Variants in FBXL2 observed in about 807,000 individuals in gnomAD.
FBXL2 encodes the protein F-box/LRR-repeat protein 2.
A neutral mutation model predicts 69.2 loss-of-function variants in FBXL2; 38 were observed. The observed-to-expected ratio is 0.55, with a 90% CI of 0.42 to 0.72. The LOEUF is 0.72. Ranked by LOEUF, FBXL2 falls within the 30% of genes least tolerant of loss-of-function variation. The pLI is 0.00. For synonymous variants in FBXL2, 192 were observed against 201.3 expected, an observed-to-expected ratio of 0.95 and a Z score of 0.39; for missense variants, 354 against 520.3, an observed-to-expected ratio of 0.68 and a Z score of 3.11.
At chr3:33,317,903 A>G (rs1402875067) in intron 2 of FBXL2, among the ~76,000 whole-genome samples, 3 of 152,146 alleles carry the variant, frequency 2.0e-5, no homozygotes, top group Non-Finnish European at 4.4e-5. Context: ...TAGATTTCAG[A>G]TTTTTGGATT....
chr3:33,325,258 C>G (rs559811334), intron 2 of FBXL2, among the ~76,000 whole-genome samples: 6 of 152,344 alleles, frequency 3.9e-5, no homozygotes, highest in African/African-American at 1.4e-4. Context: ...TTGACTTCCT[C>G]TCTTCCTATT....
chr3:33,400,795 T>C (rs532432848), intron 12 of FBXL2, among the ~76,000 whole-genome samples: 8 of 152,248 alleles, frequency 5.3e-5, no homozygotes, highest in South Asian at 4.1e-4. Context: ...CCTAAAAAAA[T>C]GTACTCTACT....
intron 1 of FBXL2, among the ~76,000 whole-genome samples, chr3:33,292,371 T>C (rs1049000021): frequency 3.4e-4 from 51 of 152,198 alleles, no homozygotes; most frequent in African/African-American, 1.2e-3. Context: ...AGAGCAATCC[T>C]CTGTCTCAAA....
the FBXL2 span, chr3:33,412,771 T>C: frequency 6.2e-7 from 1 of 1,614,130 alleles, no homozygotes; most frequent in South Asian, 1.1e-5. Flanking sequence ...ATCCTTCAAG[T>C]TGCTGATGCT....
intron 2 of FBXL2, among the ~76,000 whole-genome samples, chr3:33,311,469 TTTCA>T (rs1400450605): frequency 6.6e-6 from 1 of 152,176 alleles, no homozygotes. Flanking sequence ...CTTCACTCTT[TTTCA>T]TTTTTTTTCC....
At chr3:33,397,407 C>A in intron 12 of FBXL2, 1 of 255,086 alleles carries the variant, frequency 3.9e-6, no homozygotes. Flanking sequence ...AGAACTCTTC[C>A]CGATATAGGA....
intron 2 of FBXL2, among the ~76,000 whole-genome samples, chr3:33,356,034 C>G (rs1488839086): frequency 6.6e-6 from 1 of 151,992 alleles, no homozygotes; most frequent in Non-Finnish European, 1.5e-5. Flanking sequence ...TTTTTTCATT[C>G]AGTAATCATA....
downstream of FBXL2, among the ~76,000 whole-genome samples, chr3:33,407,667 A>G (rs1014372394): frequency 2.6e-5 from 4 of 152,118 alleles, no homozygotes; most frequent in Admixed American, 6.5e-5. Flanking sequence ...ATTCGATACT[A>G]TAATTGGAAA....
intron 13 of FBXL2, chr3:33,383,770 C>T: frequency 7.4e-6 from 4 of 537,396 alleles, no homozygotes; most frequent in Non-Finnish European, 1.3e-5. Context: ...ATGTCTCAGT[C>T]TGTTTTGTGC....
chr3:33,280,663 T>G (rs1559478999), intron 1 of FBXL2, among the ~76,000 whole-genome samples: 1 of 146,448 alleles, frequency 6.8e-6, no homozygotes, highest in Non-Finnish European at 1.5e-5. Flanking sequence ...TGCTGAATTG[T>G]GTTCACACCA....
chr3:33,396,472 A>G (rs2044000603), intron 12 of FBXL2: 1 of 513,746 alleles, frequency 1.9e-6, no homozygotes, highest in African/African-American at 1.9e-5. Context: ...AGGTGGTCTA[A>G]TATGATGATC....
At position 33,387,999 on chromosome 3, in the gene FBXL2, G is replaced by A. The variant is rs2043569159; in HGVS notation, c.*2391G>A. Reference sequence around the variant, plus strand: ...GCAGAAGAATGGCGTGAACCCGGGAGGCAGAGCTTGCAGTGAGCCGAGATT... The same window carrying A: ...GCAGAAGAATGGCGTGAACCCGGGAAGCAGAGCTTGCAGTGAGCCGAGATT... On this transcript the variant is annotated 3_prime_UTR_variant, in exon 15 of 15. Transcript: ENST00000484457. The A allele has an allele frequency of 6.6e-6, 1 of 151,038 alleles. No homozygotes were observed. The highest frequency in any genetic ancestry group is 2.4e-5 in the African/African-American group (1 of 40,996). 9.4% of individuals were successfully genotyped at this position (151,038 alleles called of 1,614,324 possible). A position where few individuals can be genotyped will look rare whatever the true frequency, so the allele number is the denominator to read the frequency against.
At chr3:33,299,922 G>A (rs909804763) in intron 2 of FBXL2, among the ~76,000 whole-genome samples, 3 of 152,106 alleles carry the variant, frequency 2.0e-5, no homozygotes, top group African/African-American at 4.8e-5. Context: ...GCTGTGTCCC[G>A]GTGGGCAGAT....
intron 2 of FBXL2, chr3:33,317,386 G>C (rs2037800307): frequency 2.2e-6 from 1 of 448,598 alleles, no homozygotes; most frequent in African/African-American, 2.0e-5. Context: ...AGGGTCTGTG[G>C]GTGATATGCA....
intron 8 of FBXL2, 30 bp downstream of exon 8, chr3:33,373,734 T>C (rs2042450168): frequency 1.2e-6 from 2 of 1,614,124 alleles, no homozygotes; most frequent in African/African-American, 1.3e-5. Context: ...GCTGTTTGTG[T>C]TATGTGTCAG....
chr3:33,375,911 G>C (rs1289643263), intron 10 of FBXL2, among the ~76,000 whole-genome samples: 2 of 152,100 alleles, frequency 1.3e-5, no homozygotes, highest in African/African-American at 2.4e-5. Flanking sequence ...AATCCCAACA[G>C]TTTGGGATGC....
At chr3:33,316,239 G>A (rs1575167587) in intron 2 of FBXL2, among the ~76,000 whole-genome samples, 1 of 151,820 alleles carries the variant, frequency 6.6e-6, no homozygotes, top group African/African-American at 2.4e-5. Context: ...TGTGTTTTTA[G>A]TAGAGATGGG....
intron 2 of FBXL2, among the ~76,000 whole-genome samples, chr3:33,349,786 T>C (rs1000338154): frequency 3.3e-5 from 5 of 152,220 alleles, no homozygotes. Context: ...GTTCACAAAT[T>C]TGATAACTTA....
chr3:33,400,185 A>G (rs2044170219), intron 12 of FBXL2: 1 of 1,576,936 alleles, frequency 6.3e-7, no homozygotes, highest in Non-Finnish European at 8.6e-7. Context: ...ACACATACAC[A>G]TACCTGAAAA....
Sources: allele counts gnomAD v4.1 joint callset (sites outside exome capture counted in the v4.1 genomes callset), GRCh38; gene constraint gnomAD v4.1.1; transcripts MANE v1.5; gene names NCBI Gene and HGNC (gene_info 2026-07-23, HGNC 2026-07-21).